PCDHA1: variants seen among roughly 807,000 people sequenced by gnomAD.
PCDHA1 encodes the protein protocadherin alpha-1.
In PCDHA1, 42 loss-of-function variants were observed where a neutral mutation model predicts 61.3. The ratio of observed to expected loss-of-function variants is 0.69; its 90% confidence interval spans 0.54 to 0.89. The LOEUF is 0.89. Ranked by LOEUF, PCDHA1 falls within the 40% of genes least tolerant of loss-of-function variation. The probability of loss-of-function intolerance (pLI) is 0.00; values close to 1 mark genes in which losing one functional copy is unlikely to be tolerated. For missense variants in PCDHA1, 1,256 were observed against 1,235.3 expected (o/e 1.02, Z -0.25); for synonymous variants, 610 against 553.8 (o/e 1.10, Z -1.43).
At chr5:140,929,391 A>G in intron 1 of PCDHA1, 1 of 1,511,404 alleles carries the variant, frequency 6.6e-7, no homozygotes, top group South Asian at 1.4e-5. Flanking sequence ...GTTTTGAAAT[A>G]TTTCTTAGAC....
intron 1 of PCDHA1, chr5:140,807,857 G>T (rs782193088): frequency 6.8e-6 from 11 of 1,614,030 alleles, no homozygotes; most frequent in Non-Finnish European, 7.6e-6. Flanking sequence ...CGAGTTGACT[G>T]GCACCGTTCA....
At chr5:140,824,610 G>GTTTTTTTTTTTTTCTTTT (rs1768201815) in intron 1 of PCDHA1, 1 of 95,104 alleles carries the variant, frequency 1.1e-5, no homozygotes, top group African/African-American at 4.9e-5. Context: ...GCTAATTAAA[G>GTTTTTTTTTTTTTCTTTT]TTTTTTTTTT....
chr5:140,823,640 G>A lies in PCDHA1; in HGVS notation c.2394+34956G>A, dbSNP rs1326482790. ...CCTGGCAGTGCGCGCATCCCGTTCC[G>A]CGTGGGGCTGTACACAGGCGAGATC... On this transcript the variant is annotated intron_variant, in intron 1 of 3. Coordinates refer to ENST00000504120, the MANE Select transcript of PCDHA1 (RefSeq NM_018900.4). 20 of 1,613,876 alleles carry A rather than the reference G, an allele frequency of 1.2e-5. No individual in the cohort carries two copies. The highest frequency in any genetic ancestry group is 1.7e-5 in the Non-Finnish European group (20 of 1,179,952).
chr5:140,843,685 G>T (rs2150365041), intron 1 of PCDHA1: 1 of 1,589,062 alleles, frequency 6.3e-7, no homozygotes, highest in Non-Finnish European at 8.6e-7. Flanking sequence ...TAGGCGAAGA[G>T]CAAGATTTAA....
At chr5:140,984,566 C>T (rs899278255) in intron 3 of PCDHA1, among the ~76,000 whole-genome samples, 4 of 152,124 alleles carry the variant, frequency 2.6e-5, no homozygotes, top group Non-Finnish European at 5.9e-5. Context: ...TCCAACTACT[C>T]CATGGCAACC....
At chr5:140,828,402 T>C (rs1554131287) in intron 1 of PCDHA1, 3 of 1,614,248 alleles carry the variant, frequency 1.9e-6, no homozygotes, top group Non-Finnish European at 2.5e-6. Context: ...GAGTGCAGCA[T>C]CCACCTGGAG....
Position 140,967,485 on chromosome 5 carries a change from C to T in PCDHA1, c.2395-11464C>T, listed in dbSNP as rs781948599. 7 of 1,613,056 alleles carry T rather than the reference C, an allele frequency of 4.3e-6. No individual in the cohort carries two copies. The South Asian group carries it at 5.5e-5, about 13-fold the overall frequency. On this transcript the variant is annotated intron_variant, in intron 1 of 3. Coordinates refer to ENST00000504120, the MANE Select transcript of PCDHA1 (RefSeq NM_018900.4). ...GGGGGCATCCCAGCCCGCTCGGGTA[C>T]GGCACAGATCTCTGTGCGTGTCCTG...
chr5:140,967,610 T>A, intron 1 of PCDHA1: 1 of 1,614,108 alleles, frequency 6.2e-7, no homozygotes, highest in Non-Finnish European at 8.5e-7. Context: ...GCTGAATGCC[T>A]CAGACCCGGA....
At chr5:140,858,464 T>C in intron 1 of PCDHA1, 6 of 1,523,496 alleles carry the variant, frequency 3.9e-6, no homozygotes, top group South Asian at 1.2e-5. Context: ...CATTTTCCTT[T>C]TGTGCTTTAT....
At chr5:140,882,058 C>G (rs1190027185) in intron 1 of PCDHA1, 4 of 794,854 alleles carry the variant, frequency 5.0e-6, no homozygotes, top group Non-Finnish European at 7.7e-6. Flanking sequence ...CTTACACTTA[C>G]ACGTTCATGC....
chr5:140,891,270 C>T (rs1049558993), intron 1 of PCDHA1, among the ~76,000 whole-genome samples: 1 of 151,570 alleles, frequency 6.6e-6, no homozygotes, highest in East Asian at 1.9e-4. Context: ...TTAATTTTTC[C>T]GTAAGTTATT....
chr5:140,966,520 C>T, intron 1 of PCDHA1: 1 of 437,694 alleles, frequency 2.3e-6, no homozygotes, highest in East Asian at 3.5e-5. Context: ...CAGCAGGAAG[C>T]CGAGCCGGGT....
rs2150304405 is a variant in PCDHA1, at chr5:140,840,185, G to A, written c.2394+51501G>A. On this transcript the variant is annotated intron_variant, in intron 1 of 3. Transcript: ENST00000504120. The stretch of plus-strand genomic sequence containing the variant: ...GGGATGTATACAAATTTTAAATATG[G>A]TAGGCAAAGGAAAAGAAGTCATAAA... 1.2e-3 allele frequency among the ~76,000 whole-genome samples: 185 copies of A among 152,064 alleles called. 3 individuals carry two copies. The highest frequency in any genetic ancestry group is 4.4e-3 in the African/African-American group (182 of 41,478).
At chr5:140,808,159 T>C in intron 1 of PCDHA1, 1 of 1,614,214 alleles carries the variant, frequency 6.2e-7, no homozygotes, top group East Asian at 2.2e-5. Flanking sequence ...AGGGCATTGA[T>C]AAGGGACAGC....
At chr5:140,840,691 C>G (rs2150308754) in intron 1 of PCDHA1, among the ~76,000 whole-genome samples, 2 of 151,924 alleles carry the variant, frequency 1.3e-5, no homozygotes, top group Non-Finnish European at 2.9e-5. Context: ...GTAAATAAAA[C>G]GGTTCAGGCA....
chr5:140,856,752 A>G lies in PCDHA1; in HGVS notation c.2394+68068A>G, dbSNP rs201595428. The G allele has an allele frequency of 2.2e-5, 35 of 1,596,730 alleles. 5 individuals carry two copies. Among genetic ancestry groups the G allele is most frequent in the Non-Finnish European group, 3.4e-6 (4 of 1,166,694 alleles). On this transcript the variant is annotated intron_variant, in intron 1 of 3. Transcript: ENST00000504120. ...CTGCTGATCCTGGTGTTAGATGCCA[A>G]TGATAACGCCCCTATCTTTGACAGA...
At chr5:140,967,849 T>C in intron 1 of PCDHA1, 1 of 1,614,116 alleles carries the variant, frequency 6.2e-7, no homozygotes, top group Non-Finnish European at 8.5e-7. Flanking sequence ...TGAATGACAA[T>C]GCCCCAGAGG....
chr5:140,846,373 C>CTTTTT (rs374699051), intron 1 of PCDHA1, among the ~76,000 whole-genome samples: 38 of 55,142 alleles, frequency 6.9e-4, no homozygotes, highest in East Asian at 1.7e-3. Context: ...TTCTTTCTTT[C>CTTTTT]TTTTTTTTTT....
At chr5:140,857,335 G>T in intron 1 of PCDHA1, 1 of 1,598,584 alleles carries the variant, frequency 6.3e-7, no homozygotes, top group South Asian at 1.1e-5. Flanking sequence ...CGCGGGACGG[G>T]GGCTCGCCTC....
Sources: gnomAD v4.1 joint callset for allele counts (sites outside exome capture counted in the v4.1 genomes callset) on GRCh38, gnomAD v4.1.1 for gene constraint, MANE v1.5 for transcripts, NCBI Gene and HGNC (gene_info 2026-07-23, HGNC 2026-07-21) for gene names.